The following JHY variants were observed in gnomAD, a reference collection of about 807,000 sequenced individuals.
The protein encoded by JHY is jhy protein homolog.
A neutral mutation model predicts 78.0 loss-of-function variants in JHY; 69 were observed. The ratio of observed to expected loss-of-function variants is 0.88; its 90% CI spans 0.73 to 1.08. The LOEUF is 1.08. JHY is among the 50% of genes least tolerant of loss of function. The pLI is 0.00. For missense variants in JHY, 944 were observed against 927.8 expected (o/e 1.02, Z -0.23); for synonymous variants, 368 against 342.6 (o/e 1.07, Z -0.82).
chr11:122,899,155 A>G (rs1334863077), intron 2 of JHY, among the ~76,000 whole-genome samples: 3 of 152,296 alleles, frequency 2.0e-5, no homozygotes, highest in South Asian at 2.1e-4. Flanking sequence ...TGTATCCCCT[A>G]CTAGGCTGTG....
At chr11:122,889,852 G>A (rs1459623849) in intron 2 of JHY, among the ~76,000 whole-genome samples, 7 of 152,160 alleles carry the variant, frequency 4.6e-5, no homozygotes, top group African/African-American at 9.6e-5. Context: ...TGCGCCTCCC[G>A]GGTTCAAATG....
intron 3 of JHY, among the ~76,000 whole-genome samples, chr11:122,919,352 C>CAAAAAAAAA (rs72233254): frequency 4.3e-5 from 3 of 70,088 alleles, no homozygotes; most frequent in East Asian, 4.4e-4. Context: ...GACTCTGTCT[C>CAAAAAAAAA]AAAAAAAAAA....
At chr11:122,907,517 G>A (rs114765717) in intron 3 of JHY, among the ~76,000 whole-genome samples, 156 of 152,222 alleles carry the variant, frequency 1.0e-3, no homozygotes, top group Middle Eastern at 6.8e-3. Flanking sequence ...TTGCTAACCT[G>A]GCTAGATATC....
Position 122,904,316 on chromosome 11 carries a change from C to A in JHY, c.736C>A (p.Pro246Thr). 6.2e-7 allele frequency: 1 copy of A among 1,614,040 alleles called. No individual in the cohort carries two copies. Among genetic ancestry groups the A allele is most frequent in the Non-Finnish European group, 8.5e-7 (1 of 1,180,014 alleles). Residue 246 changes from proline to threonine, a missense_variant, in exon 3 of 9, where the codon CCT becomes ACT. Pro to Thr is a conservative substitution (Grantham distance 38, BLOSUM62 -1). Transcript: ENST00000227349. ...GGTTTTCCTGCCGGGATCACGTGGC[C>A]CTCGGCGAAGGAAATCCAAACAACA... ...NEVFLPGSRG[P>T]RRRKSKQHFV...
At chr11:122,929,231 T>C (rs1443553545) in intron 4 of JHY, among the ~76,000 whole-genome samples, 1 of 134,520 alleles carries the variant, frequency 7.4e-6, no homozygotes, top group African/African-American at 2.7e-5. Context: ...CTGGCCAAGG[T>C]TGTTTTTTGT....
Position 122,935,159 on chromosome 11 carries a change from G to T in JHY, c.1634+84G>T. The T allele has an allele frequency of 7.8e-7, 1 of 1,289,940 alleles. No individual in the cohort carries two copies. The allele number at this position is 1,289,940 out of a possible 1,614,324, so 79.9% of individuals were successfully genotyped here. On this transcript the variant is annotated intron_variant, in intron 5 of 8. Transcript: ENST00000227349. The surrounding 1 kb of genome is among the most constrained non-coding windows in gnomAD (Gnocchi z 4.5). Reference sequence around the variant, plus strand: ...AAGACGGGAGAGGAAGAAGGGGAAGGGGAATCCATAAGGTGGCTAGGTGAG... The same window carrying T: ...AAGACGGGAGAGGAAGAAGGGGAAGTGGAATCCATAAGGTGGCTAGGTGAG...
rs1415677762 is a variant in JHY, at chr11:122,938,040, T to C, written c.1634+2965T>C. On this transcript the variant is annotated intron_variant, in intron 5 of 8. Coordinates refer to ENST00000227349, the MANE Select transcript of JHY (RefSeq NM_024806.4). ...TTTTGTTGTTGTTTTTTGTTTTTTG[T>C]TTTCTGGAAGCTTTAGGATCTTTTC... 3.9e-5 allele frequency among the ~76,000 whole-genome samples: 6 copies of C among 152,264 alleles called. No individual in the cohort carries two copies. In the East Asian group the frequency reaches 1.2e-3, roughly 29 times the overall value.
intron 2 of JHY, among the ~76,000 whole-genome samples, chr11:122,899,160 G>A (rs776500261): frequency 1.3e-5 from 2 of 152,290 alleles, no homozygotes; most frequent in South Asian, 4.1e-4. Context: ...CCCCTACTAG[G>A]CTGTGTGTCC....
chr11:122,947,078 T>C, intron 6 of JHY: 1 of 283,490 alleles, frequency 3.5e-6, no homozygotes, highest in Non-Finnish European at 6.5e-6. Context: ...CCTCCTTTCA[T>C]CCCCAGCTGA....
chr11:122,914,310 T>A (rs1863190738), intron 3 of JHY, among the ~76,000 whole-genome samples: 1 of 152,256 alleles, frequency 6.6e-6, no homozygotes, highest in Non-Finnish European at 1.5e-5. Flanking sequence ...CTTTTGGTTG[T>A]CTATAAGATT....
rs1056119567 is a variant in JHY, at chr11:122,961,551, C to T, written c.*2106C>T. On this transcript the variant is annotated 3_prime_UTR_variant, in exon 9 of 9. Transcript: ENST00000227349. ...TATACTTTTAGTAGAGGCAGGGTTT[C>T]GCCATGTTGACCAGGCTGGTCTTGA... Among the ~76,000 whole-genome samples, 7 of 152,270 alleles carry T rather than the reference C, an allele frequency of 4.6e-5. No homozygotes were observed. Among genetic ancestry groups the T allele is most frequent in the East Asian group, 1.9e-4 (1 of 5,176 alleles).
rs752994287 is a variant in JHY, at chr11:122,934,868, A to G, written c.1427A>G (p.Glu476Gly). 1.2e-6 allele frequency: 2 copies of G among 1,614,006 alleles called. No homozygotes were observed. The highest frequency in any genetic ancestry group is 1.7e-6 in the Non-Finnish European group (2 of 1,179,984). ...VNKERGHKDQ[E>G]EKRFSYQQLH... ...AAAGAAAGAGGACACAAAGACCAAG[A>G]AGAGAAAAGATTTTCATATCAGCAG... is the stretch of plus-strand genomic sequence containing the variant. The change falls in exon 5 of 9, where the codon GAA becomes GGA. Residue 476 changes from glutamate to glycine, a missense_variant. Coordinates refer to ENST00000227349, the MANE Select transcript of JHY (RefSeq NM_024806.4).
intron 4 of JHY, among the ~76,000 whole-genome samples, chr11:122,928,548 A>ATG (rs1863563424): frequency 7.3e-6 from 1 of 136,692 alleles, no homozygotes; most frequent in Admixed American, 7.2e-5. Flanking sequence ...CCCAAAAGAT[A>ATG]CGGGGAAAAA....
At chr11:122,908,670 G>A (rs954821949) in intron 3 of JHY, among the ~76,000 whole-genome samples, 4 of 152,174 alleles carry the variant, frequency 2.6e-5, no homozygotes, top group African/African-American at 9.7e-5. Flanking sequence ...GGAAGCTTGG[G>A]TACCGAGTGT....
chr11:122,959,539 C>A lies in JHY; in HGVS notation c.*94C>A. 1 of 1,179,754 alleles carries A rather than the reference C, an allele frequency of 8.5e-7. No homozygotes were observed. The highest frequency in any genetic ancestry group is 2.5e-5 in the East Asian group (1 of 39,462). The allele number at this position is 1,179,754 out of a possible 1,614,324, so 73.1% of individuals were successfully genotyped here. A position where few individuals can be genotyped will look rare whatever the true frequency, so the allele number is the denominator to read the frequency against. On this transcript the variant is annotated 3_prime_UTR_variant, in exon 9 of 9. Coordinates refer to ENST00000227349, the MANE Select transcript of JHY (RefSeq NM_024806.4). ...CCTTCTCTGCGTTGAGAGTAATGGC[C>A]TATTATTATCATCTATCTGCCGTCC...
At chr11:122,936,716 T>C (rs1239012272) in intron 5 of JHY, among the ~76,000 whole-genome samples, 1 of 152,206 alleles carries the variant, frequency 6.6e-6, no homozygotes, top group African/African-American at 2.4e-5. Flanking sequence ...ACCCAATTTG[T>C]CATACTGCAT....
At chr11:122,939,535 A>G (rs532177097) in intron 5 of JHY, among the ~76,000 whole-genome samples, 1 of 152,040 alleles carries the variant, frequency 6.6e-6, no homozygotes, top group South Asian at 2.1e-4. Flanking sequence ...TGTTCTCTTT[A>G]TCTTCGTGGG....
intron 3 of JHY, among the ~76,000 whole-genome samples, chr11:122,913,615 C>T (rs1010967391): frequency 6.6e-6 from 1 of 152,164 alleles, no homozygotes; most frequent in Non-Finnish European, 1.5e-5. Context: ...GCTACTCTTG[C>T]CCTGGCTTGT....
Position 122,945,160 on chromosome 11 carries a change from T to C in JHY, c.1635-1338T>C, listed in dbSNP as rs530629155. ...TCTAGACTTCGTGCCTTTTTAACTGTTTTTATTTTACACCTTTTATTTCTC... is the reference window on the plus strand; with the variant it reads ...TCTAGACTTCGTGCCTTTTTAACTGCTTTTATTTTACACCTTTTATTTCTC... On this transcript the variant is annotated intron_variant, in intron 5 of 8. Coordinates refer to ENST00000227349, the MANE Select transcript of JHY (RefSeq NM_024806.4). 5.9e-5 allele frequency among the ~76,000 whole-genome samples: 9 copies of C among 152,320 alleles called. No homozygotes were observed. The East Asian group carries it at 1.7e-3, about 29-fold the overall frequency.
Sources: allele counts gnomAD v4.1 joint callset (sites outside exome capture counted in the v4.1 genomes callset), GRCh38; gene constraint gnomAD v4.1.1; non-coding constraint Gnocchi (gnomAD v3.1); transcripts MANE v1.5; gene names NCBI Gene and HGNC (gene_info 2026-07-23, HGNC 2026-07-21).